Variants in ZFYVE21 observed in about 807,000 individuals in gnomAD.
The protein encoded by ZFYVE21 is zinc finger FYVE domain-containing protein 21.
In ZFYVE21, 21 loss-of-function variants were observed where a neutral mutation model predicts 29.5. That is an observed-to-expected ratio of 0.71 (90% CI 0.50 to 1.02). ZFYVE21 has a LOEUF of 1.02. ZFYVE21 is among the 50% of genes least tolerant of loss of function. The pLI, the probability that ZFYVE21 is intolerant of heterozygous loss-of-function variation, is 0.00. For missense variants in ZFYVE21, 326 were observed against 335.4 expected (o/e 0.97, Z 0.22); for synonymous variants, 151 against 133.8 (o/e 1.13, Z -0.89).
At chr14:103,718,675 C>T (rs927360457) in intron 1 of ZFYVE21, among the ~76,000 whole-genome samples, 8 of 152,108 alleles carry the variant, frequency 5.3e-5, no homozygotes, top group Non-Finnish European at 1.0e-4. Context: ...TGGGGGTGGG[C>T]GGTCCGGGCG....
At chr14:103,730,821 G>A (rs1488933403) in intron 5 of ZFYVE21, 1 of 152,490 alleles carries the variant, frequency 6.6e-6, no homozygotes, top group Non-Finnish European at 1.5e-5. Flanking sequence ...TGAAGGCGGA[G>A]GCGGCTGCAG....
intron 1 of ZFYVE21, among the ~76,000 whole-genome samples, chr14:103,719,604 G>A (rs1014455267): frequency 5.9e-5 from 9 of 151,938 alleles, no homozygotes; most frequent in Non-Finnish European, 1.0e-4. Context: ...CCTCTGGCTC[G>A]TATGGGGAGG....
intron 2 of ZFYVE21, chr14:103,727,271 C>T (rs1007842732): frequency 1.6e-4 from 59 of 359,304 alleles, no homozygotes; most frequent in South Asian, 2.5e-4. Flanking sequence ...GAGTGTCAGC[C>T]ATGCCCTGTT....
At chr14:103,721,610 A>AT (rs1264507219) in intron 1 of ZFYVE21, among the ~76,000 whole-genome samples, 2 of 152,144 alleles carry the variant, frequency 1.3e-5, no homozygotes, top group African/African-American at 4.8e-5. Context: ...TAGCGGGTTT[A>AT]TCTGCTTGGC....
chr14:103,727,836 C>G lies in ZFYVE21; in HGVS notation c.280C>G (p.Arg94Gly). 1 of 1,613,150 alleles carries G rather than the reference C, an allele frequency of 6.2e-7. No homozygotes were observed. The highest frequency in any genetic ancestry group is 8.5e-7 in the Non-Finnish European group (1 of 1,179,906). The change falls in exon 3 of 7, where the codon CGG (arginine) becomes GGG (glycine). Residue 94 changes from arginine (R) to glycine (G), a missense_variant. Arg to Gly is a moderately radical substitution (Grantham distance 125). Transcript: ENST00000311141. ...GCGCATGTGCTTTGTGGACCCCGTGCGGCAGTGCGCGGAGTGCGCCCTCGT... is the reference window on the plus strand; with the variant it reads ...GCGCATGTGCTTTGTGGACCCCGTGGGGCAGTGCGCGGAGTGCGCCCTCGT... ...LRRMCFVDPV[R>G]QCAECALVSL... is the part of the protein sequence containing the mutation.
chr14:103,717,510 C>T (rs2083837624), intron 1 of ZFYVE21, among the ~76,000 whole-genome samples: 1 of 152,248 alleles, frequency 6.6e-6, no homozygotes, highest in African/African-American at 2.4e-5. Flanking sequence ...TGTTCCCCTC[C>T]TTCATTCTCT....
Position 103,716,005 on chromosome 14 carries a change from G to C in ZFYVE21, c.138+26G>C. 8.3e-7 allele frequency: 1 copy of C among 1,209,648 alleles called. No individual in the cohort carries two copies. The highest frequency in any genetic ancestry group is 1.6e-5 in the African/African-American group (1 of 62,682). The allele number at this position is 1,209,648 out of a possible 1,614,324, so 74.9% of individuals were successfully genotyped here. On this transcript the variant is annotated intron_variant, in intron 1 of 6. Transcript: ENST00000311141. The surrounding 1 kb of genome is among the most constrained non-coding windows in gnomAD (Gnocchi z 4.8). Reference sequence around the variant, plus strand: ...GTGGGTGGCCGTCGCCCCGGCCAGCGCCTCCGACCCGCCCCGCCGCCCCGG... The same window carrying C: ...GTGGGTGGCCGTCGCCCCGGCCAGCCCCTCCGACCCGCCCCGCCGCCCCGG...
intron 1 of ZFYVE21, among the ~76,000 whole-genome samples, chr14:103,722,961 A>T (rs377154211): frequency 6.6e-6 from 1 of 152,184 alleles, no homozygotes. Flanking sequence ...GTGGTGTTAT[A>T]TTTAGAAATT....
chr14:103,715,998 G>A lies in ZFYVE21; in HGVS notation c.138+19G>A, dbSNP rs759647495. 5 of 1,230,852 alleles carry A rather than the reference G, an allele frequency of 4.1e-6. No homozygotes were observed. Among genetic ancestry groups the A allele is most frequent in the South Asian group, 5.7e-5 (2 of 34,880 alleles). The allele number at this position is 1,230,852 out of a possible 1,614,324, so 76.2% of individuals were successfully genotyped here. A position where few individuals can be genotyped will look rare whatever the true frequency, so the allele number is the denominator to read the frequency against. ...CAAGGAGGTGGGTGGCCGTCGCCCC[G>A]GCCAGCGCCTCCGACCCGCCCCGCC... On this transcript the variant is annotated intron_variant, in intron 1 of 6. Coordinates refer to ENST00000311141, the MANE Select transcript of ZFYVE21 (RefSeq NM_024071.4).
At chr14:103,732,834 C>G in intron 6 of ZFYVE21, 72 bp downstream of exon 6, 3 of 1,600,858 alleles carry the variant, frequency 1.9e-6, no homozygotes, top group Non-Finnish European at 2.6e-6. Flanking sequence ...AGAGGAAGCT[C>G]TGTGTCCTGC....
intron 1 of ZFYVE21, among the ~76,000 whole-genome samples, chr14:103,718,387 C>G (rs1309570010): frequency 6.6e-6 from 1 of 152,194 alleles, no homozygotes; most frequent in Non-Finnish European, 1.5e-5. Context: ...CTGCAAAACC[C>G]CCTGGGGAGC....
At chr14:103,722,204 A>C (rs897573289) in intron 1 of ZFYVE21, among the ~76,000 whole-genome samples, 1 of 152,152 alleles carries the variant, frequency 6.6e-6, no homozygotes, top group African/African-American at 2.4e-5. Context: ...TCTGTTGATA[A>C]TTTTTTAAAT....
At chr14:103,723,075 G>A (rs1595689459) in intron 1 of ZFYVE21, among the ~76,000 whole-genome samples, 1 of 152,184 alleles carries the variant, frequency 6.6e-6, no homozygotes. Context: ...CCCTCCTGTC[G>A]GGCGCTGTGG....
rs1037527972 is a variant in ZFYVE21 at position 103,732,862 on chromosome 14, C to T, written c.669+100C>T. On this transcript the variant is annotated intron_variant, in intron 6 of 6. Coordinates refer to ENST00000311141, the MANE Select transcript of ZFYVE21 (RefSeq NM_024071.4). ...TGTCCTGCCATTTGCCCCCTATCCC[C>T]ACAACCTGTTCCCCCTCAGCTGGGG... 1.7e-5 allele frequency: 27 copies of T among 1,600,840 alleles called. 1 individual carries two copies. Among genetic ancestry groups the T allele is most frequent in the East Asian group, 9.0e-5 (4 of 44,594 alleles).
chr14:103,732,729 G>A lies in ZFYVE21; in HGVS notation c.636G>A (p.Arg212=), dbSNP rs943635335. ...TVVEDVTVGR[R]QAVAWLVAMH... Reference sequence around the variant, plus strand: ...TGGAGGACGTGACTGTGGGCAGGAGGCAGGCGGTGGCGTGGCTAGTGGCCA... The same window carrying A: ...TGGAGGACGTGACTGTGGGCAGGAGACAGGCGGTGGCGTGGCTAGTGGCCA... The change falls in exon 6 of 7, where the codon AGG becomes AGA. Residue 212 remains arginine, a synonymous_variant. Transcript: ENST00000311141. 1 of 1,613,186 alleles carries A rather than the reference G, an allele frequency of 6.2e-7. No homozygotes were observed. The highest frequency in any genetic ancestry group is 8.5e-7 in the Non-Finnish European group (1 of 1,179,712).
chr14:103,730,658 CCT>C (rs1434464914), intron 5 of ZFYVE21: 3 of 152,662 alleles, frequency 2.0e-5, no homozygotes, highest in Admixed American at 2.0e-4. Flanking sequence ...ACCCCAGCAC[CCT>C]GTCTTCCGGT....
chr14:103,727,600 GGCGACAGGAGGTGC>G, intron 2 of ZFYVE21, 132 bp from the exon 3 acceptor site: 1 of 1,027,360 alleles, frequency 9.7e-7, no homozygotes. Flanking sequence ...CCCAGGGGCT[GGCGACAGGAGGTGC>G]GCGTGTGCAG....
Position 103,727,754 on chromosome 14 carries a change from T to G in ZFYVE21, c.198T>G (p.Cys66Trp). ...CTCCCGCATCTGCCCAGCACCACTG[T>G]CGCCGCTGCGGGAAGTGCTTCTGCG... is the stretch of plus-strand genomic sequence containing the variant. ...KFDFLTRKHH[C>W]RRCGKCFCDR... Residue 66 changes from cysteine to tryptophan, a missense_variant, in exon 3 of 7, where the codon TGT becomes TGG. Cys to Trp is a radical substitution (Grantham distance 215, BLOSUM62 -2). Transcript: ENST00000311141. The G allele has an allele frequency of 6.2e-7, 1 of 1,607,732 alleles. No individual in the cohort carries two copies. The highest frequency in any genetic ancestry group is 8.5e-7 in the Non-Finnish European group (1 of 1,179,602).
In ZFYVE21 at chr14:103,733,274, T is replaced by C; in HGVS notation, c.*256T>C. 1 of 492,670 alleles carries C rather than the reference T, an allele frequency of 2.0e-6. No individual in the cohort carries two copies. The highest frequency in any genetic ancestry group is 2.7e-5 in the South Asian group (1 of 36,548). 30.5% of individuals were successfully genotyped at this position (492,670 alleles called of 1,614,324 possible). ...TAATTGGGGGTGGGAGAGACTGAGC[T>C]ACACTACTGCTAAACTATTTTTAGC... is the stretch of plus-strand genomic sequence containing the variant. On this transcript the variant is annotated 3_prime_UTR_variant, in exon 7 of 7. Coordinates refer to ENST00000311141, the MANE Select transcript of ZFYVE21 (RefSeq NM_024071.4).
Sources: gnomAD v4.1 joint callset for allele counts (sites outside exome capture counted in the v4.1 genomes callset) on GRCh38, gnomAD v4.1.1 for gene constraint, Gnocchi (gnomAD v3.1) non-coding constraint, MANE v1.5 for transcripts, NCBI Gene and HGNC (gene_info 2026-07-23, HGNC 2026-07-21) for gene names.